PTBP3: variants seen among roughly 807,000 people sequenced by gnomAD.
PTBP3 encodes polypyrimidine tract-binding protein 3.
Under a neutral mutation model 58.7 loss-of-function variants are expected in PTBP3, and 20 were observed. The observed-to-expected ratio is 0.34, with a 90% CI of 0.24 to 0.50. PTBP3 has a LOEUF of 0.50. PTBP3 is among the 20% of genes least tolerant of loss of function. The pLI is 0.98. For synonymous variants in PTBP3, 185 were observed against 219.8 expected, an observed-to-expected ratio of 0.84 and a Z score of 1.40; for missense variants, 509 against 637.2, an observed-to-expected ratio of 0.80 and a Z score of 2.17.
chr9:112,219,465 A>AC lies in PTBP3; in HGVS notation c.*4385dup. ...GCATCTTTCAATTATGACTATGATCACCAAGGTCACTGGACCAGACAAATA... is the reference window on the plus strand; with the variant it reads ...GCATCTTTCAATTATGACTATGATCACCCAAGGTCACTGGACCAGACAAATA... On this transcript the variant is annotated 3_prime_UTR_variant, in exon 14 of 14. Coordinates refer to ENST00000374257, the MANE Select transcript of PTBP3 (RefSeq NM_001163788.4). 1 of 152,574 alleles carries AC rather than the reference A, an allele frequency of 6.6e-6. No individual in the cohort carries two copies. The highest frequency in any genetic ancestry group is 2.4e-5 in the African/African-American group (1 of 41,576). 9.5% of individuals were successfully genotyped at this position (152,574 alleles called of 1,614,324 possible).
intron 1 of PTBP3, among the ~76,000 whole-genome samples, chr9:112,301,585 G>A (rs536860736): frequency 1.3e-5 from 2 of 152,324 alleles, no homozygotes; most frequent in East Asian, 1.9e-4. Context: ...ATTAGTGGTT[G>A]CCAGGAGATA....
Position 112,222,166 on chromosome 9 carries a change from G to A in PTBP3, c.*1685C>T. 1 of 985,494 alleles carries A rather than the reference G, an allele frequency of 1.0e-6. No homozygotes were observed. Among genetic ancestry groups the A allele is most frequent in the African/African-American group, 1.7e-5 (1 of 57,310 alleles). The allele number at this position is 985,494 out of a possible 1,614,324, so 61.0% of individuals were successfully genotyped here. A position where few individuals can be genotyped will look rare whatever the true frequency, so the allele number is the denominator to read the frequency against. On this transcript the variant is annotated 3_prime_UTR_variant, in exon 14 of 14. Coordinates refer to ENST00000374257, the MANE Select transcript of PTBP3 (RefSeq NM_001163788.4). ...TTTGAGAATCTGAAAAGTGTAAAAG[G>A]GGTAGACAAAAAAATGACCCTTTTG... is the stretch of plus-strand genomic sequence containing the variant.
At chr9:112,282,579 G>A (rs1827917044) in intron 2 of PTBP3, among the ~76,000 whole-genome samples, 2 of 151,726 alleles carry the variant, frequency 1.3e-5, no homozygotes, top group South Asian at 4.2e-4. Context: ...TTTTATTTCT[G>A]TTCAAAGTAG....
intron 12 of PTBP3, among the ~76,000 whole-genome samples, chr9:112,225,564 G>A (rs563937313): frequency 6.6e-6 from 1 of 152,260 alleles, no homozygotes; most frequent in African/African-American, 2.4e-5. Context: ...AGTTAAAACT[G>A]TAATTTTTAA....
At chr9:112,255,154 G>A (rs760378229) in intron 5 of PTBP3, among the ~76,000 whole-genome samples, 5 of 152,160 alleles carry the variant, frequency 3.3e-5, no homozygotes, top group Non-Finnish European at 7.4e-5. Context: ...AACCTAAGGT[G>A]TAGTCAAACT....
chr9:112,330,704 T>C (rs1830334538), intron 1 of PTBP3, among the ~76,000 whole-genome samples: 1 of 152,236 alleles, frequency 6.6e-6, no homozygotes, highest in African/African-American at 2.4e-5. Flanking sequence ...AATCCTGTTA[T>C]CTTTTAGTAT....
chr9:112,259,126 T>G (rs897104482), intron 5 of PTBP3, among the ~76,000 whole-genome samples: 1 of 152,122 alleles, frequency 6.6e-6, no homozygotes, highest in Non-Finnish European at 1.5e-5. Flanking sequence ...TAATATTTTG[T>G]ATTTTTGGTA....
intron 1 of PTBP3, among the ~76,000 whole-genome samples, chr9:112,302,283 C>G (rs981452784): frequency 1.3e-5 from 2 of 151,962 alleles, no homozygotes; most frequent in African/African-American, 4.8e-5. Flanking sequence ...AGAAATCTAC[C>G]AAAAGAGTTA....
chr9:112,319,140 AAAAAG>A (rs1193151808), intron 1 of PTBP3, among the ~76,000 whole-genome samples: 1 of 149,866 alleles, frequency 6.7e-6, no homozygotes, highest in East Asian at 2.0e-4. Context: ...GAAAAAAAAA[AAAAAG>A]AAAGAAAATT....
chr9:112,376,762 C>T, the PTBP3 span, among the ~76,000 whole-genome samples: 2 of 152,120 alleles, frequency 1.3e-5, no homozygotes, highest in Admixed American at 6.5e-5. Flanking sequence ...TATTCACTGG[C>T]AGCTGATTAG....
chr9:112,240,100 C>T (rs1835596717), intron 7 of PTBP3, among the ~76,000 whole-genome samples: 1 of 151,230 alleles, frequency 6.6e-6, no homozygotes, highest in African/African-American at 2.4e-5. Context: ...TAGGGGAGCA[C>T]AAAAAAAGAT....
chr9:112,272,948 C>G (rs902161171), intron 3 of PTBP3: 2 of 152,176 alleles, frequency 1.3e-5, no homozygotes, highest in Admixed American at 1.3e-4. Context: ...CAGGAAATGG[C>G]AAGTATCTCT....
At chr9:112,234,341 C>T (rs1436284230) in intron 8 of PTBP3, among the ~76,000 whole-genome samples, 1 of 152,162 alleles carries the variant, frequency 6.6e-6, no homozygotes, top group Non-Finnish European at 1.5e-5. Flanking sequence ...TCGTAATCTT[C>T]AAAACCCATT....
intron 1 of PTBP3, chr9:112,298,515 T>C (rs1344800990): frequency 4.0e-6 from 2 of 503,724 alleles, no homozygotes; most frequent in South Asian, 2.9e-5. Context: ...AGAGAAGTCT[T>C]TTCATTGTAA....
At chr9:112,350,755 C>G in the PTBP3 span, among the ~76,000 whole-genome samples, 1 of 152,124 alleles carries the variant, frequency 6.6e-6, no homozygotes, top group Non-Finnish European at 1.5e-5. Flanking sequence ...TCAGAAATAT[C>G]TCAGAGTCTC....
At chr9:112,341,581 T>A in the PTBP3 span, among the ~76,000 whole-genome samples, 1 of 152,200 alleles carries the variant, frequency 6.6e-6, no homozygotes. Flanking sequence ...AAGAATAGTG[T>A]GAGTTGAGGG....
intron 1 of PTBP3, among the ~76,000 whole-genome samples, chr9:112,307,631 G>T (rs1829278098): frequency 6.6e-6 from 1 of 152,032 alleles, no homozygotes; most frequent in African/African-American, 2.4e-5. Flanking sequence ...GAGAACAAAA[G>T]AAACTTACAT....
chr9:112,220,190 A>G lies in PTBP3; in HGVS notation c.*3661T>C, dbSNP rs1289589855. On this transcript the variant is annotated 3_prime_UTR_variant, in exon 14 of 14. Transcript: ENST00000374257. ...ACTTTTGTCAATTTTTTGTCCAAAA[A>G]TATCTCGTGGGAACAGAAGAGAAAC... 1 of 1,343,572 alleles carries G rather than the reference A, an allele frequency of 7.4e-7. No individual in the cohort carries two copies. The highest frequency in any genetic ancestry group is 1.5e-5 in the African/African-American group (1 of 67,600). The allele number at this position is 1,343,572 out of a possible 1,614,324, so 83.2% of individuals were successfully genotyped here. A position where few individuals can be genotyped will look rare whatever the true frequency, so the allele number is the denominator to read the frequency against.
At chr9:112,333,347 G>A (rs1273078062) in intron 1 of PTBP3, 123 bp downstream of exon 1, 2 of 1,182,580 alleles carry the variant, frequency 1.7e-6, no homozygotes, top group South Asian at 5.2e-5. Context: ...GGGCTTGGCC[G>A]GGGCCGCTCC....
Sources: gnomAD v4.1 joint callset for allele counts (sites outside exome capture counted in the v4.1 genomes callset) on GRCh38, gnomAD v4.1.1 for gene constraint, MANE v1.5 for transcripts, NCBI Gene and HGNC (gene_info 2026-07-23, HGNC 2026-07-21) for gene names.